The following SRGAP1 variants were observed in gnomAD, a reference collection of about 807,000 sequenced individuals.
SRGAP1 encodes SLIT-ROBO Rho GTPase-activating protein 1.
Under a neutral mutation model 121.9 loss-of-function variants are expected in SRGAP1, and 43 were observed. The ratio of observed to expected loss-of-function variants is 0.35; its 90% CI spans 0.28 to 0.46. The LOEUF is 0.46. Among genes scored for constraint, SRGAP1 ranks in the 20% least tolerant of loss-of-function variants. The pLI is 1.00. For missense variants in SRGAP1, 1,102 were observed against 1,350.9 expected (o/e 0.82, Z 2.89); for synonymous variants, 447 against 485.4 (o/e 0.92, Z 1.04).
intron 1 of SRGAP1, among the ~76,000 whole-genome samples, chr12:63,950,698 G>T (rs576131455): frequency 1.3e-5 from 2 of 152,144 alleles, no homozygotes; most frequent in Admixed American, 6.5e-5. Context: ...TTTCAAGGAG[G>T]TGATAAAATC....
At chr12:63,975,360 G>A (rs1222437893) in intron 1 of SRGAP1, among the ~76,000 whole-genome samples, 4 of 152,138 alleles carry the variant, frequency 2.6e-5, no homozygotes, top group Admixed American at 6.5e-5. Flanking sequence ...CCACATTGCC[G>A]ACTCCACTTA....
At chr12:63,981,896 A>G (rs918274499) in intron 1 of SRGAP1, among the ~76,000 whole-genome samples, 2 of 152,162 alleles carry the variant, frequency 1.3e-5, no homozygotes, top group Non-Finnish European at 2.9e-5. Context: ...AGGTGCCTGA[A>G]AAAAGGTTTG....
rs967192168 is a variant in SRGAP1, at chr12:64,160,869, T to G, written c.*18197T>G. 1 of 152,204 alleles carries G rather than the reference T, an allele frequency of 6.6e-6. No individual in the cohort carries two copies. The highest frequency in any genetic ancestry group is 2.4e-5 in the African/African-American group (1 of 41,454). The allele number at this position is 152,204 out of a possible 1,614,324, so 9.4% of individuals were successfully genotyped here. On this transcript the variant is annotated 3_prime_UTR_variant, in exon 22 of 22. Transcript: ENST00000355086. Reference sequence around the variant, plus strand: ...TCTCTATTCTCTCTAGCATTATGAATCATTTCCCCTCAGGATTTTGGAGAT... The same window carrying G: ...TCTCTATTCTCTCTAGCATTATGAAGCATTTCCCCTCAGGATTTTGGAGAT...
At chr12:64,095,854 C>G (rs1263031712) in intron 14 of SRGAP1, among the ~76,000 whole-genome samples, 1 of 152,142 alleles carries the variant, frequency 6.6e-6, no homozygotes, top group Non-Finnish European at 1.5e-5. Context: ...TATCCATCAC[C>G]TGAAGCACAT....
At chr12:63,946,346 A>G (rs1454278968) in intron 1 of SRGAP1, among the ~76,000 whole-genome samples, 1 of 141,960 alleles carries the variant, frequency 7.0e-6, no homozygotes, top group Non-Finnish European at 1.5e-5. Context: ...AACTTCATAT[A>G]TTTAAAGTGT....
chr12:63,911,439 A>G lies in SRGAP1; in HGVS notation c.67+66556A>G, dbSNP rs374533184. ...CAACATCTTAGTCAACCTTGCATCTATCTCTGCACCCATCCATGTAGTTGT... is the reference window on the plus strand; with the variant it reads ...CAACATCTTAGTCAACCTTGCATCTGTCTCTGCACCCATCCATGTAGTTGT... On this transcript the variant is annotated intron_variant, in intron 1 of 21. Transcript: ENST00000355086. 3.3e-5 allele frequency among the ~76,000 whole-genome samples: 5 copies of G among 152,034 alleles called. No individual in the cohort carries two copies. The East Asian group carries it at 7.7e-4, about 23-fold the overall frequency.
intron 3 of SRGAP1, among the ~76,000 whole-genome samples, chr12:64,014,587 T>G (rs1456538033): frequency 6.6e-6 from 1 of 152,100 alleles, no homozygotes; most frequent in Non-Finnish European, 1.5e-5. Flanking sequence ...ATACTACAGA[T>G]CTGTACATGT....
chr12:64,060,747 T>G (rs789715), intron 6 of SRGAP1, among the ~76,000 whole-genome samples: 145,659 of 152,224 alleles, frequency 0.96, 69,992 homozygotes, highest in East Asian at 1. Context: ...AGATCCAATG[T>G]TTCACATCCT....
intron 1 of SRGAP1, among the ~76,000 whole-genome samples, chr12:63,851,820 G>C (rs1899085133): frequency 6.6e-6 from 1 of 151,974 alleles, no homozygotes; most frequent in South Asian, 2.1e-4. Flanking sequence ...ACCTGCCTCA[G>C]CTTCCCCAAG....
chr12:63,922,909 A>G (rs1225230640), intron 1 of SRGAP1, among the ~76,000 whole-genome samples: 1 of 152,224 alleles, frequency 6.6e-6, no homozygotes, highest in East Asian at 1.9e-4. Context: ...TGAAAGGACA[A>G]ATCCACCCCA....
rs2037078887 is a variant in SRGAP1 at position 64,147,956 on chromosome 12, A to G, written c.*5284A>G. Reference sequence around the variant, plus strand: ...TAAATAATGTGAAACTTTTACCTTTAAAATATTTTTTTATCTCACTTTCAT... The same window carrying G: ...TAAATAATGTGAAACTTTTACCTTTGAAATATTTTTTTATCTCACTTTCAT... On this transcript the variant is annotated 3_prime_UTR_variant, in exon 22 of 22. Coordinates refer to ENST00000355086, the MANE Select transcript of SRGAP1 (RefSeq NM_020762.4). 1 of 293,026 alleles carries G rather than the reference A, an allele frequency of 3.4e-6. No homozygotes were observed. The highest frequency in any genetic ancestry group is 6.2e-6 in the Non-Finnish European group (1 of 160,310). 18.2% of individuals were successfully genotyped at this position (293,026 alleles called of 1,614,324 possible).
chr12:63,894,180 C>T (rs1227058395), intron 1 of SRGAP1, among the ~76,000 whole-genome samples: 1 of 152,184 alleles, frequency 6.6e-6, no homozygotes, highest in African/African-American at 2.4e-5. Flanking sequence ...TGAACATTTG[C>T]TGTGTTCAAG....
rs1202372809 is a variant in SRGAP1, at chr12:64,161,714, T to G, written c.*19042T>G. 6.6e-6 allele frequency: 1 copy of G among 152,224 alleles called. No individual in the cohort carries two copies. The highest frequency in any genetic ancestry group is 2.4e-5 in the African/African-American group (1 of 41,466). 9.4% of individuals were successfully genotyped at this position (152,224 alleles called of 1,614,324 possible). On this transcript the variant is annotated 3_prime_UTR_variant, in exon 22 of 22. Transcript: ENST00000355086. ...TAAAATTCCTGGTGATCCTTGGCTA[T>G]CTGCTCGAATTTAAAAACAAGCACT...
At chr12:63,905,762 T>C (rs1477055733) in intron 1 of SRGAP1, among the ~76,000 whole-genome samples, 2 of 152,242 alleles carry the variant, frequency 1.3e-5, no homozygotes, top group Non-Finnish European at 2.9e-5. Context: ...CATACTTCAG[T>C]AAACCCTTTT....
chr12:63,850,596 A>ATTTTTTT (rs34957489), intron 1 of SRGAP1, among the ~76,000 whole-genome samples: 25 of 124,328 alleles, frequency 2.0e-4, no homozygotes, highest in Admixed American at 1.9e-3. Context: ...ATACCTGGCT[A>ATTTTTTT]TTTTTTTTTT....
At chr12:64,005,960 C>T (rs1285888531) in intron 3 of SRGAP1, among the ~76,000 whole-genome samples, 1 of 152,078 alleles carries the variant, frequency 6.6e-6, no homozygotes, top group Non-Finnish European at 1.5e-5. Flanking sequence ...GCGAGTAAGA[C>T]ACAAATCTTC....
At chr12:63,946,196 T>G (rs1403144951) in intron 1 of SRGAP1, among the ~76,000 whole-genome samples, 1 of 152,142 alleles carries the variant, frequency 6.6e-6, no homozygotes, top group Non-Finnish European at 1.5e-5. Context: ...ATGGGGAAGA[T>G]CTGGTTTTTG....
chr12:63,854,703 G>A (rs920209720), intron 1 of SRGAP1, among the ~76,000 whole-genome samples: 3 of 152,132 alleles, frequency 2.0e-5, no homozygotes, highest in African/African-American at 7.2e-5. Context: ...GCCACACTGT[G>A]TGCTTTCTCT....
intron 4 of SRGAP1, among the ~76,000 whole-genome samples, chr12:64,020,843 C>CAAAAAAAAAAA (rs34144761): frequency 4.3e-5 from 3 of 70,036 alleles, no homozygotes; most frequent in African/African-American, 1.1e-4. Flanking sequence ...GACTCCGTCT[C>CAAAAAAAAAAA]AAAAAAAAAA....
Sources: gnomAD v4.1 joint callset for allele counts (sites outside exome capture counted in the v4.1 genomes callset) on GRCh38, gnomAD v4.1.1 for gene constraint, MANE v1.5 for transcripts, NCBI Gene and HGNC (gene_info 2026-07-23, HGNC 2026-07-21) for gene names.